Variants in ZC3H12B observed in about 807,000 individuals in gnomAD.
The protein encoded by ZC3H12B is zinc finger CCCH-type containing 12B, also known as probable ribonuclease ZC3H12B.
In ZC3H12B, 7 loss-of-function variants were observed where a neutral mutation model predicts 43.9. The observed-to-expected ratio is 0.16, with a 90% CI of 0.09 to 0.30. ZC3H12B has a LOEUF of 0.30. ZC3H12B is among the 10% of genes least tolerant of loss of function. ZC3H12B has a pLI of 1.00. For synonymous variants in ZC3H12B, 222 were observed against 241.7 expected, an observed-to-expected ratio of 0.92 and a Z score of 0.76; for missense variants, 475 against 670.2, an observed-to-expected ratio of 0.71 and a Z score of 3.22.
At chrX:65,251,546 C>T in the ZC3H12B span, among the ~76,000 whole-genome samples, 30 of 111,331 alleles carry the variant, frequency 2.7e-4, no homozygotes, top group African/African-American at 7.8e-4. Context: ...GCCATTTTCA[C>T]GATATTGATT....
chrX:65,293,276 G>T, the ZC3H12B span, among the ~76,000 whole-genome samples: 1 of 110,213 alleles, frequency 9.1e-6, no homozygotes, highest in Admixed American at 9.7e-5. Flanking sequence ...CAGTTCTCAG[G>T]AAACTTCAAT....
chrX:65,381,826 C>T (rs1204164004), intron 2 of ZC3H12B, among the ~76,000 whole-genome samples: 1 of 111,951 alleles, frequency 8.9e-6, no homozygotes, highest in Admixed American at 9.4e-5. Context: ...CTACAAACAC[C>T]TCTACACAAA....
the ZC3H12B span, among the ~76,000 whole-genome samples, chrX:65,120,737 G>C: frequency 9.0e-6 from 1 of 111,531 alleles, no homozygotes; most frequent in Non-Finnish European, 1.9e-5. Context: ...AGTTTTCAAA[G>C]GGAATGCTTC....
chrX:65,132,955 T>G, the ZC3H12B span, among the ~76,000 whole-genome samples: 1 of 111,205 alleles, frequency 9.0e-6, no homozygotes, highest in African/African-American at 3.3e-5. Context: ...TGGGCCAGAG[T>G]TCCAGGGGCT....
intron 2 of ZC3H12B, among the ~76,000 whole-genome samples, chrX:65,396,277 G>A (rs1317798846): frequency 8.9e-6 from 1 of 111,877 alleles, no homozygotes; most frequent in Non-Finnish European, 1.9e-5. Flanking sequence ...TGATGTCAGG[G>A]TGTTGATTTT....
the ZC3H12B span, among the ~76,000 whole-genome samples, chrX:65,164,194 A>T: frequency 9.0e-6 from 1 of 111,430 alleles, no homozygotes; most frequent in African/African-American, 3.3e-5. Flanking sequence ...TTTGGTGGCC[A>T]GGGACTAGGG....
At chrX:65,364,323 G>A (rs777559270), upstream of ZC3H12B, among the ~76,000 whole-genome samples, 1 of 107,949 alleles carries the variant, frequency 9.3e-6, no homozygotes, top group South Asian at 4.2e-4. Flanking sequence ...CTGTTATATG[G>A]GCAAAAAGAG....
At chrX:65,320,439 G>A in the ZC3H12B span, among the ~76,000 whole-genome samples, 2 of 111,752 alleles carry the variant, frequency 1.8e-5, no homozygotes, top group Non-Finnish European at 3.8e-5. Flanking sequence ...CATGGATAGG[G>A]AGAATCAATA....
the ZC3H12B span, among the ~76,000 whole-genome samples, chrX:65,083,218 C>T: frequency 9.0e-6 from 1 of 111,416 alleles, no homozygotes; most frequent in African/African-American, 3.3e-5. Flanking sequence ...AGGATGCCCA[C>T]TGCCACCCCT....
chrX:65,151,560 C>G, the ZC3H12B span, among the ~76,000 whole-genome samples: 1 of 111,911 alleles, frequency 8.9e-6, no homozygotes, highest in Non-Finnish European at 1.9e-5. Context: ...AGGAATCTAG[C>G]AATTCCCCTA....
the ZC3H12B span, among the ~76,000 whole-genome samples, chrX:65,269,370 A>C: frequency 2.5e-4 from 28 of 110,847 alleles, no homozygotes; most frequent in Non-Finnish European, 4.2e-4. Flanking sequence ...CAAAACAAAA[A>C]AAAAAAGGAA....
At chrX:65,334,277 A>G in the ZC3H12B span, among the ~76,000 whole-genome samples, 2 of 112,044 alleles carry the variant, frequency 1.8e-5, no homozygotes, top group African/African-American at 6.5e-5. Flanking sequence ...CTTTAACTTT[A>G]GCTAATATGT....
intron 2 of ZC3H12B, among the ~76,000 whole-genome samples, chrX:65,395,855 C>T (rs900821022): frequency 2.7e-5 from 3 of 111,821 alleles, no homozygotes; most frequent in Non-Finnish European, 5.6e-5. Context: ...ACTATTGCCT[C>T]AATTTTAGAA....
intron 3 of ZC3H12B, among the ~76,000 whole-genome samples, chrX:65,451,387 T>A (rs1435072882): frequency 8.9e-6 from 1 of 112,361 alleles, no homozygotes; most frequent in Non-Finnish European, 1.9e-5. Context: ...TTTGAATTCT[T>A]TGTCAGATAA....
chrX:65,304,785 A>G, the ZC3H12B span, among the ~76,000 whole-genome samples: 1 of 111,754 alleles, frequency 8.9e-6, no homozygotes, highest in Non-Finnish European at 1.9e-5. Flanking sequence ...ACAAAAATTT[A>G]TTAGGTGCGA....
At chrX:65,038,055 G>A in the ZC3H12B span, among the ~76,000 whole-genome samples, 1,792 of 111,027 alleles carry the variant, frequency 0.016, 35 homozygotes, top group African/African-American at 0.054. Flanking sequence ...TTGTCTCCTA[G>A]GTTTTAGTCA....
the ZC3H12B span, among the ~76,000 whole-genome samples, chrX:65,273,695 C>A: frequency 5.7e-3 from 628 of 111,077 alleles, 3 homozygotes; most frequent in Non-Finnish European, 8.3e-3. Flanking sequence ...TTGAAAGCAG[C>A]AAGACAAAAA....
intron 3 of ZC3H12B, among the ~76,000 whole-genome samples, chrX:65,423,891 A>G (rs1234983088): frequency 9.0e-6 from 1 of 111,328 alleles, no homozygotes; most frequent in Non-Finnish European, 1.9e-5. Context: ...CTTTTGTTGC[A>G]ATTGCTTTTC....
the ZC3H12B span, among the ~76,000 whole-genome samples, chrX:65,188,567 A>G: frequency 2.7e-4 from 30 of 110,719 alleles, no homozygotes; most frequent in South Asian, 3.8e-3. Context: ...TTGATGATCA[A>G]TGATATTCAG....
Sources: allele counts gnomAD v4.1 joint callset (sites outside exome capture counted in the v4.1 genomes callset), GRCh38; gene constraint gnomAD v4.1.1; transcripts MANE v1.5; gene names NCBI Gene and HGNC (gene_info 2026-07-23, HGNC 2026-07-21).